ZNF98: variants seen among roughly 807,000 people sequenced by gnomAD.
The protein encoded by ZNF98 is zinc finger protein 739.
ZNF98 carries 8 observed loss-of-function variants against 12.8 expected under a neutral mutation model. The observed-to-expected ratio is 0.63, with a 90% CI of 0.37 to 1.13. ZNF98 has a LOEUF of 1.13. Among genes scored for constraint, ZNF98 ranks in the 50% most tolerant of loss-of-function variants. ZNF98 has a pLI of 0.01. For missense variants in ZNF98, 379 were observed against 666.1 expected (o/e 0.57, Z 4.74); for synonymous variants, 112 against 223.5 (o/e 0.50, Z 4.45).
At chr19:22,393,029 G>C in intron 3 of ZNF98, 48 bp from the exon 4 acceptor site, 1 of 1,423,418 alleles carries the variant, frequency 7.0e-7, no homozygotes, top group Non-Finnish European at 9.2e-7. Flanking sequence ...AGACTCAGAT[G>C]AATGTACTTT....
At chr19:22,414,957 A>T (rs1485831542) in intron 1 of ZNF98, among the ~76,000 whole-genome samples, 4 of 152,172 alleles carry the variant, frequency 2.6e-5, no homozygotes, top group Non-Finnish European at 5.9e-5. Flanking sequence ...CACAGAATAA[A>T]AGAAAATATT....
chr19:22,408,947 T>A (rs1483299608), intron 1 of ZNF98, among the ~76,000 whole-genome samples: 1 of 152,132 alleles, frequency 6.6e-6, no homozygotes, highest in African/African-American at 2.4e-5. Flanking sequence ...GACTTTAAAT[T>A]TCATATGGAA....
At chr19:22,411,418 A>C (rs1969579112) in intron 1 of ZNF98, among the ~76,000 whole-genome samples, 2 of 152,356 alleles carry the variant, frequency 1.3e-5, no homozygotes, top group South Asian at 2.1e-4. Flanking sequence ...CTTACTCTGT[A>C]TCTTTTAGTC....
At chr19:22,410,909 C>G (rs1969573626) in intron 1 of ZNF98, among the ~76,000 whole-genome samples, 1 of 152,150 alleles carries the variant, frequency 6.6e-6, no homozygotes, top group African/African-American at 2.4e-5. Context: ...GCACTCTTGT[C>G]ACAACACAAT....
intron 3 of ZNF98, among the ~76,000 whole-genome samples, chr19:22,395,440 T>C (rs1186651553): frequency 6.6e-6 from 1 of 151,824 alleles, no homozygotes; most frequent in African/African-American, 2.4e-5. Flanking sequence ...AAATACCATA[T>C]AAACTTCAGA....
At chr19:22,398,573 G>A (rs1568291621) in intron 3 of ZNF98, among the ~76,000 whole-genome samples, 1 of 151,912 alleles carries the variant, frequency 6.6e-6, no homozygotes, top group Non-Finnish European at 1.5e-5. Flanking sequence ...CTTCCAGGAT[G>A]TTCTCAAGCT....
intron 1 of ZNF98, among the ~76,000 whole-genome samples, chr19:22,407,198 AG>A (rs1969529410): frequency 6.6e-6 from 1 of 151,738 alleles, no homozygotes; most frequent in Non-Finnish European, 1.5e-5. Context: ...CTGGGATTAC[AG>A]GCGCGTGCCA....
At chr19:22,398,963 C>G (rs1181107511) in intron 3 of ZNF98, among the ~76,000 whole-genome samples, 6 of 152,116 alleles carry the variant, frequency 3.9e-5, no homozygotes, top group Admixed American at 3.9e-4. Context: ...AAAACACACA[C>G]ACATATAATC....
chr19:22,413,479 A>G (rs1370799956), intron 1 of ZNF98, among the ~76,000 whole-genome samples: 1 of 152,200 alleles, frequency 6.6e-6, no homozygotes, highest in Non-Finnish European at 1.5e-5. Flanking sequence ...ACGGAATCCA[A>G]TTCACAATCA....
chr19:22,411,252 G>T (rs1969577471), intron 1 of ZNF98, among the ~76,000 whole-genome samples: 3 of 152,054 alleles, frequency 2.0e-5, no homozygotes, highest in African/African-American at 4.8e-5. Flanking sequence ...GGTCAGGCTG[G>T]TCTCAAACTC....
intron 1 of ZNF98, among the ~76,000 whole-genome samples, chr19:22,417,915 T>C (rs1207791487): frequency 6.6e-6 from 1 of 152,174 alleles, no homozygotes; most frequent in African/African-American, 2.4e-5. Context: ...TCTCTCATCC[T>C]GGGAGACCTG....
At chr19:22,401,905 G>A (rs190761496) in intron 3 of ZNF98, among the ~76,000 whole-genome samples, 3 of 150,926 alleles carry the variant, frequency 2.0e-5, no homozygotes, top group East Asian at 2.0e-4. Context: ...GGTCAGGCAC[G>A]GTGGGTCACA....
At chr19:22,420,739 G>C (rs1405229869) in intron 1 of ZNF98, among the ~76,000 whole-genome samples, 1 of 145,462 alleles carries the variant, frequency 6.9e-6, no homozygotes, top group African/African-American at 2.5e-5. Flanking sequence ...TAAAACCCAG[G>C]AACAAGAAAA....
At chr19:22,396,738 T>C (rs1969398265) in intron 3 of ZNF98, among the ~76,000 whole-genome samples, 1 of 152,194 alleles carries the variant, frequency 6.6e-6, no homozygotes, top group African/African-American at 2.4e-5. Context: ...GATAGTATTA[T>C]GCAAGCTACA....
At chr19:22,414,276 A>G (rs1353711632) in intron 1 of ZNF98, among the ~76,000 whole-genome samples, 1 of 151,674 alleles carries the variant, frequency 6.6e-6, no homozygotes, top group African/African-American at 2.4e-5. Context: ...CAAGAAAGAA[A>G]AGATCAATAT....
In ZNF98 at chr19:22,410,862, T is replaced by C. The variant is rs138839884; in HGVS notation, c.31-7350A>G. Among the ~76,000 whole-genome samples, 872 of 152,198 alleles carry C rather than the reference T, an allele frequency of 5.7e-3. 7 individuals carry two copies. The highest frequency in any genetic ancestry group is 0.017 in the Middle Eastern group (5 of 294). On this transcript the variant is annotated intron_variant, in intron 1 of 3. Transcript: ENST00000357774. ...CCCCTAGGCTCATTATTAGCATTAG[T>C]TAGAGAGCAGGCACAGCACAGAGTC...
chr19:22,411,755 G>A (rs1384851095), intron 1 of ZNF98, among the ~76,000 whole-genome samples: 1 of 152,204 alleles, frequency 6.6e-6, no homozygotes, highest in Non-Finnish European at 1.5e-5. Context: ...TTTCACATAT[G>A]TGAATAAAGC....
At chr19:22,405,708 G>A (rs1969511514) in intron 1 of ZNF98, among the ~76,000 whole-genome samples, 1 of 152,166 alleles carries the variant, frequency 6.6e-6, no homozygotes, top group Non-Finnish European at 1.5e-5. Context: ...GAGTTCCCAG[G>A]GGAGGGGTGA....
chr19:22,409,368 A>T (rs1368790232), intron 1 of ZNF98, among the ~76,000 whole-genome samples: 1 of 152,212 alleles, frequency 6.6e-6, no homozygotes, highest in East Asian at 1.9e-4. Context: ...ACCACTCAGG[A>T]CATAGGCATG....
Sources: gnomAD v4.1 joint callset for allele counts (sites outside exome capture counted in the v4.1 genomes callset) on GRCh38, gnomAD v4.1.1 for gene constraint, MANE v1.5 for transcripts, NCBI Gene and HGNC (gene_info 2026-07-23, HGNC 2026-07-21) for gene names.